Variants in STK40 observed in about 807,000 individuals in gnomAD.
The protein encoded by STK40 is serine/threonine kinase 40.
A neutral mutation model predicts 47.9 loss-of-function variants in STK40; 13 were observed. The observed-to-expected ratio is 0.27, with a 90% CI of 0.18 to 0.43. STK40 has a LOEUF of 0.43. Among genes scored for constraint, STK40 ranks in the 20% least tolerant of loss-of-function variants. STK40 has a pLI of 1.00. For synonymous variants in STK40, 225 were observed against 243.2 expected (o/e 0.93, Z 0.69); for missense variants, 460 against 595.1 (o/e 0.77, Z 2.36).
chr1:36,345,968 C>CATATATATATATATATATATAT (rs1553135169), intron 7 of STK40, among the ~76,000 whole-genome samples: 1 of 29,932 alleles, frequency 3.3e-5, no homozygotes, highest in African/African-American at 1.4e-4. Flanking sequence ...AAGGGCATTA[C>CATATATATATATATATATATAT]ATATATATAT....
intron 1 of STK40, among the ~76,000 whole-genome samples, chr1:36,371,662 G>A (rs1174894878): frequency 2.2e-5 from 3 of 137,278 alleles, no homozygotes; most frequent in African/African-American, 8.2e-5. Flanking sequence ...TCCAGCCTGC[G>A]TGACAGAGCA....
intron 1 of STK40, among the ~76,000 whole-genome samples, chr1:36,373,924 C>T (rs1483339809): frequency 6.6e-6 from 1 of 152,218 alleles, no homozygotes; most frequent in African/African-American, 2.4e-5. Context: ...CTGCTCCCAG[C>T]CTGTGGGAGA....
intron 1 of STK40, among the ~76,000 whole-genome samples, chr1:36,383,798 C>T (rs1334300987): frequency 6.6e-6 from 1 of 152,126 alleles, no homozygotes; most frequent in Non-Finnish European, 1.5e-5. Flanking sequence ...TCTGAGATTT[C>T]TGGAATAAAC....
chr1:36,348,874 C>T lies in STK40; in HGVS notation c.624-59G>A, dbSNP rs1040900543. On this transcript the variant is annotated intron_variant, in intron 6 of 10. Coordinates refer to ENST00000373132, the MANE Select transcript of STK40 (RefSeq NM_001282547.2). ...TGTCTATAGCAACAGGCACAAGACACGCAGGCAGGACACACCTCACTGGGC... is the reference window on the plus strand; with the variant it reads ...TGTCTATAGCAACAGGCACAAGACATGCAGGCAGGACACACCTCACTGGGC... The T allele has an allele frequency of 8.4e-6, 12 of 1,429,210 alleles. No homozygotes were observed. The African/African-American group carries it at 1.1e-4, about 13-fold the overall frequency. 88.5% of individuals were successfully genotyped at this position (1,429,210 alleles called of 1,614,324 possible).
chr1:36,362,292 T>C (rs908206507), intron 1 of STK40, among the ~76,000 whole-genome samples: 3 of 152,114 alleles, frequency 2.0e-5, no homozygotes, highest in Non-Finnish European at 4.4e-5. Flanking sequence ...AGGAAACAGA[T>C]GTGTACAGAC....
At chr1:36,346,575 A>C (rs1036150795) in intron 7 of STK40, among the ~76,000 whole-genome samples, 3 of 152,216 alleles carry the variant, frequency 2.0e-5, no homozygotes, top group Non-Finnish European at 2.9e-5. Context: ...AGGAGGCTGA[A>C]GTCAGAAGGA....
intron 1 of STK40, among the ~76,000 whole-genome samples, chr1:36,361,801 C>T (rs1443658890): frequency 6.6e-6 from 1 of 152,078 alleles, no homozygotes; most frequent in African/African-American, 2.4e-5. Context: ...CCCGAGGTGC[C>T]CATTCCTGGC....
At position 36,345,989 on chromosome 1, in the gene STK40, A is replaced by ATTTTTTTTTTTTTTTTTTTTTTTT. The variant is rs1330462605; in HGVS notation, c.740-1726_740-1725insAAAAAAAAAAAAAAAAAAAAAAAA. 1.0e-4 allele frequency among the ~76,000 whole-genome samples: 2 copies of ATTTTTTTTTTTTTTTTTTTTTTTT among 19,584 alleles called. 1 individual carries two copies. The highest frequency in any genetic ancestry group is 3.3e-4 in the African/African-American group (2 of 6,044). The allele number at this position is 19,584 out of a possible 152,430, so 12.8% of individuals were successfully genotyped here. A position where few individuals can be genotyped will look rare whatever the true frequency, so the allele number is the denominator to read the frequency against. ...ATTACATATATATATATATATATAT[A>ATTTTTTTTTTTTTTTTTTTTTTTT]TATTTTTTTTTTTTTTTTTTCCTGA... On this transcript the variant is annotated intron_variant, in intron 7 of 10. Coordinates refer to ENST00000373132, the MANE Select transcript of STK40 (RefSeq NM_001282547.2).
At chr1:36,343,761 G>A (rs1646675007) in intron 9 of STK40, 99 bp downstream of exon 9, 2 of 1,482,734 alleles carry the variant, frequency 1.3e-6, no homozygotes, top group Non-Finnish European at 1.8e-6. Flanking sequence ...GACTCTAACT[G>A]GCAGAGAAGC....
At chr1:36,371,490 C>A (rs2124747494) in intron 1 of STK40, among the ~76,000 whole-genome samples, 1 of 151,198 alleles carries the variant, frequency 6.6e-6, no homozygotes, top group Middle Eastern at 3.4e-3. Context: ...GGAGGCGGAG[C>A]TTGCAGTGGG....
chr1:36,368,245 T>C (rs1349257620), intron 1 of STK40, among the ~76,000 whole-genome samples: 1 of 151,976 alleles, frequency 6.6e-6, no homozygotes, highest in African/African-American at 2.4e-5. Flanking sequence ...CCTAACATGA[T>C]GCCCTTAATA....
intron 10 of STK40, 128 bp downstream of exon 10, chr1:36,343,236 G>T: frequency 9.4e-7 from 1 of 1,066,924 alleles, no homozygotes; most frequent in Non-Finnish European, 1.4e-6. Flanking sequence ...CCCACCCCAA[G>T]GCTGGGGAAG....
chr1:36,344,103 C>CCG lies in STK40; in HGVS notation c.884+16_884+17insCG. 2 of 1,583,808 alleles carry CCG rather than the reference C, an allele frequency of 1.3e-6. No homozygotes were observed. The highest frequency in any genetic ancestry group is 1.7e-6 in the Non-Finnish European group (2 of 1,164,062). On this transcript the variant is annotated intron_variant, in intron 8 of 10. Transcript: ENST00000373132. The stretch of plus-strand genomic sequence containing the variant: ...CAGGCTGGCTGCCCCCCCCACCCCC[C>CCG]GGGAGGCAGGACTCACTCAGGAATG...
At chr1:36,381,845 A>G (rs909170684) in intron 1 of STK40, among the ~76,000 whole-genome samples, 1 of 152,058 alleles carries the variant, frequency 6.6e-6, no homozygotes, top group Non-Finnish European at 1.5e-5. Flanking sequence ...CTCATCCTAG[A>G]GCTCGATCAC....
chr1:36,383,110 G>T (rs1237728860), intron 1 of STK40, among the ~76,000 whole-genome samples: 2 of 152,110 alleles, frequency 1.3e-5, no homozygotes, highest in African/African-American at 4.8e-5. Context: ...CACCACGTCC[G>T]GCTAATTTTG....
At chr1:36,346,245 C>T (rs540943862) in intron 7 of STK40, among the ~76,000 whole-genome samples, 2 of 152,028 alleles carry the variant, frequency 1.3e-5, no homozygotes, top group South Asian at 2.1e-4. Context: ...TTGCCCGCCT[C>T]GGCCTCCCAA....
chr1:36,355,078 T>A, intron 5 of STK40, 128 bp downstream of exon 5: 1 of 960,348 alleles, frequency 1.0e-6, no homozygotes. Flanking sequence ...ATTCAGTCAC[T>A]CTTCTTTTGG....
Position 36,341,944 on chromosome 1 carries a change from G to C in STK40, c.1119C>G (p.Tyr373Ter). ...GCTGACGCATGTAGTTCTCAAACTCGTACTGGGAGCACTCCTCCGTCACCT... is the reference window on the plus strand; with the variant it reads ...GCTGACGCATGTAGTTCTCAAACTCCTACTGGGAGCACTCCTCCGTCACCT... ...EAKVTEECSQ[Y>*]EFENYMRQQL... is the part of the protein sequence containing the mutation. Residue 373 changes from tyrosine (Y) to a stop codon, truncating the protein, a stop_gained, in exon 11 of 11, where the codon TAC becomes TAG. Transcript: ENST00000373132. LOFTEE classifies it high-confidence loss of function. The C allele has an allele frequency of 6.2e-7, 1 of 1,613,916 alleles. No homozygotes were observed. Among genetic ancestry groups the C allele is most frequent in the Non-Finnish European group, 8.5e-7 (1 of 1,179,892 alleles).
At chr1:36,345,277 CTGGGCAACCAGGG>C (rs1171287530) in intron 7 of STK40, among the ~76,000 whole-genome samples, 4 of 152,246 alleles carry the variant, frequency 2.6e-5, no homozygotes, top group Non-Finnish European at 5.9e-5. Flanking sequence ...CGTCACCTCC[CTGGGCAACCAGGG>C]CCCAGTGAAG....
Sources: gnomAD v4.1 joint callset for allele counts (sites outside exome capture counted in the v4.1 genomes callset) on GRCh38, gnomAD v4.1.1 for gene constraint, MANE v1.5 for transcripts, NCBI Gene and HGNC (gene_info 2026-07-23, HGNC 2026-07-21) for gene names.